The following SORCS2 variants were observed in gnomAD, a reference collection of about 807,000 sequenced individuals.
The protein encoded by SORCS2 is VPS10 domain-containing receptor SorCS2.
A neutral mutation model predicts 141.6 loss-of-function variants in SORCS2; 100 were observed. That is an observed-to-expected ratio of 0.71 (90% CI 0.60 to 0.83). The LOEUF (loss-of-function observed/expected upper bound fraction) is 0.83. Among genes scored for constraint, SORCS2 ranks in the 40% least tolerant of loss-of-function variants. The pLI is 0.00. For synonymous variants in SORCS2, 789 were observed against 676.9 expected (o/e 1.17, Z -2.57); for missense variants, 1,646 against 1,560.2 (o/e 1.05, Z -0.93).
chr4:7,698,099 G>A (rs1380816149), intron 12 of SORCS2, among the ~76,000 whole-genome samples: 2 of 152,192 alleles, frequency 1.3e-5, no homozygotes, highest in Non-Finnish European at 1.5e-5. Context: ...CACCCCAGGA[G>A]GGGGCACCGC....
chr4:7,379,837 A>G (rs754045267), intron 1 of SORCS2, among the ~76,000 whole-genome samples: 13 of 152,256 alleles, frequency 8.5e-5, no homozygotes, highest in Non-Finnish European at 1.6e-4. Context: ...CGCTGAAGGC[A>G]GCTGCAGAAA....
intron 3 of SORCS2, among the ~76,000 whole-genome samples, chr4:7,607,420 A>G (rs1377533273): frequency 1.3e-5 from 2 of 151,596 alleles, no homozygotes; most frequent in Non-Finnish European, 2.9e-5. Flanking sequence ...TCCAGATTCA[A>G]CGCCTACCAC....
chr4:7,702,017 T>A (rs2109013134), intron 12 of SORCS2, among the ~76,000 whole-genome samples: 1 of 151,988 alleles, frequency 6.6e-6, no homozygotes, highest in South Asian at 2.1e-4. Context: ...GCTGCATGCT[T>A]GTTCCTGGAA....
intron 3 of SORCS2, among the ~76,000 whole-genome samples, chr4:7,599,283 C>T (rs1329449279): frequency 6.6e-6 from 1 of 152,190 alleles, no homozygotes; most frequent in Non-Finnish European, 1.5e-5. Context: ...TGGGAGCCAA[C>T]TGGTGTGGTC....
chr4:7,552,746 C>G (rs1052989253), intron 3 of SORCS2, among the ~76,000 whole-genome samples: 3 of 152,146 alleles, frequency 2.0e-5, no homozygotes, highest in Non-Finnish European at 4.4e-5. Flanking sequence ...TTCCTCCCCA[C>G]CTTCCTGCCT....
intron 2 of SORCS2, among the ~76,000 whole-genome samples, chr4:7,476,987 T>C (rs1050317448): frequency 5.3e-5 from 8 of 152,220 alleles, no homozygotes; most frequent in Non-Finnish European, 8.8e-5. Context: ...TCTGAACTTA[T>C]TGACCTCCTT....
At chr4:7,388,281 C>G (rs1191601164) in intron 1 of SORCS2, among the ~76,000 whole-genome samples, 1 of 152,214 alleles carries the variant, frequency 6.6e-6, no homozygotes, top group Non-Finnish European at 1.5e-5. Context: ...CAATGACAGA[C>G]TCAGCCTGAA....
chr4:7,221,512 C>T (rs1198322319), intron 1 of SORCS2, among the ~76,000 whole-genome samples: 8 of 152,244 alleles, frequency 5.3e-5, no homozygotes, highest in African/African-American at 1.4e-4. Context: ...GGGGCAGGTT[C>T]GGATTACCCC....
chr4:7,360,399 C>T (rs1183217046), intron 1 of SORCS2, among the ~76,000 whole-genome samples: 2 of 151,892 alleles, frequency 1.3e-5, no homozygotes, highest in African/African-American at 2.4e-5. Flanking sequence ...TCCTTTGCCA[C>T]ACCCCAGCAG....
At chr4:7,707,516 C>T (rs910669271) in intron 14 of SORCS2, among the ~76,000 whole-genome samples, 12 of 152,182 alleles carry the variant, frequency 7.9e-5, no homozygotes, top group South Asian at 2.1e-4. Context: ...AGCAACAGCG[C>T]GAATTCCTGC....
At chr4:7,423,125 G>A (rs965482793) in intron 2 of SORCS2, among the ~76,000 whole-genome samples, 1 of 151,564 alleles carries the variant, frequency 6.6e-6, no homozygotes, top group South Asian at 2.1e-4. Flanking sequence ...GCCACTCCCC[G>A]CACCCATCCA....
chr4:7,700,055 G>T (rs1724962930), intron 12 of SORCS2, among the ~76,000 whole-genome samples: 1 of 152,084 alleles, frequency 6.6e-6, no homozygotes, highest in Non-Finnish European at 1.5e-5. Flanking sequence ...TGCCCCCAGG[G>T]CTCCCGCCCC....
intron 2 of SORCS2, among the ~76,000 whole-genome samples, chr4:7,464,944 C>G (rs1186357473): frequency 1.3e-5 from 2 of 152,246 alleles, no homozygotes; most frequent in Middle Eastern, 3.2e-3. Flanking sequence ...GCCTCCACGG[C>G]GGCTCCTCGC....
chr4:7,409,002 T>G (rs2109147407), intron 2 of SORCS2, among the ~76,000 whole-genome samples: 1 of 152,346 alleles, frequency 6.6e-6, no homozygotes, highest in South Asian at 2.1e-4. Context: ...ATCTTGAAGT[T>G]TTCTTAAAGA....
chr4:7,316,075 C>T (rs1033751456), intron 1 of SORCS2, among the ~76,000 whole-genome samples: 2 of 151,990 alleles, frequency 1.3e-5, no homozygotes, highest in Admixed American at 1.3e-4. Flanking sequence ...TCCATCTGTG[C>T]ATCTGTCCAT....
intron 14 of SORCS2, among the ~76,000 whole-genome samples, chr4:7,709,776 C>G (rs1292942726): frequency 6.6e-6 from 1 of 152,194 alleles, no homozygotes; most frequent in Non-Finnish European, 1.5e-5. Context: ...TTTTGGGACA[C>G]TTTCCTGGCA....
At chr4:7,680,874 G>A (rs961912566) in intron 9 of SORCS2, among the ~76,000 whole-genome samples, 2 of 152,184 alleles carry the variant, frequency 1.3e-5, no homozygotes, top group Admixed American at 6.5e-5. Context: ...CCATCAGTGG[G>A]AGGCAAAAGA....
intron 4 of SORCS2, among the ~76,000 whole-genome samples, chr4:7,640,910 A>C (rs890414422): frequency 6.6e-6 from 1 of 152,092 alleles, no homozygotes; most frequent in East Asian, 1.9e-4. Context: ...GATGGAATCC[A>C]ATCAGAGGCT....
At chr4:7,349,169 C>T (rs975216057) in intron 1 of SORCS2, among the ~76,000 whole-genome samples, 3 of 152,106 alleles carry the variant, frequency 2.0e-5, no homozygotes, top group African/African-American at 2.4e-5. Flanking sequence ...GCTGTGTCTA[C>T]GAGGAAGCTG....
Sources: gnomAD v4.1 joint callset for allele counts (sites outside exome capture counted in the v4.1 genomes callset) on GRCh38, gnomAD v4.1.1 for gene constraint, MANE v1.5 for transcripts, NCBI Gene and HGNC (gene_info 2026-07-23, HGNC 2026-07-21) for gene names.